Variants in VPS45 observed in about 807,000 individuals in gnomAD.
VPS45 encodes vacuolar protein sorting 45 homolog, also known as vacuolar protein sorting-associated protein 45.
VPS45 carries 35 observed loss-of-function variants against 75.9 expected under a neutral mutation model. The ratio of observed to expected loss-of-function variants is 0.46; its 90% CI spans 0.35 to 0.61. VPS45 has a LOEUF of 0.61. Among genes scored for constraint, VPS45 ranks in the 20% least tolerant of loss-of-function variants. The probability of loss-of-function intolerance (pLI) is 0.00; values close to 1 mark genes in which losing one functional copy is unlikely to be tolerated. For missense variants in VPS45, 559 were observed against 685.9 expected (o/e 0.81, Z 2.07); for synonymous variants, 220 against 238.2 (o/e 0.92, Z 0.70).
chr1:150,114,857 C>T (rs587646884), intron 14 of VPS45, among the ~76,000 whole-genome samples: 6 of 149,252 alleles, frequency 4.0e-5, no homozygotes, highest in South Asian at 4.3e-4. Context: ...TGCAGTGAGC[C>T]GTGATCATGT....
intron 14 of VPS45, among the ~76,000 whole-genome samples, chr1:150,138,398 G>T (rs1659224639): frequency 6.6e-6 from 1 of 152,046 alleles, no homozygotes; most frequent in African/African-American, 2.4e-5. Context: ...CTCATTTGCT[G>T]TTTCTCCTAT....
chr1:150,081,282 G>C, intron 7 of VPS45, 60 bp from the exon 8 acceptor site: 1 of 1,495,578 alleles, frequency 6.7e-7, no homozygotes. Context: ...TTGTTTTCCT[G>C]AACGTTTACT....
intron 2 of VPS45, among the ~76,000 whole-genome samples, chr1:150,070,065 CA>C (rs1203729432): frequency 6.6e-6 from 1 of 152,146 alleles, no homozygotes. Context: ...GGGACGTTTG[CA>C]TAGTCTTCTT....
intron 14 of VPS45, among the ~76,000 whole-genome samples, chr1:150,134,829 T>C (rs782581522): frequency 2.0e-5 from 3 of 152,206 alleles, no homozygotes; most frequent in Admixed American, 6.5e-5. Flanking sequence ...ATATTTTTTA[T>C]TATTACTATT....
intron 14 of VPS45, 88 bp downstream of exon 14, chr1:150,110,715 T>C: frequency 7.4e-7 from 1 of 1,356,996 alleles, no homozygotes; most frequent in East Asian, 2.5e-5. Flanking sequence ...ATTTGGTCAA[T>C]ACTCACCAAA....
At chr1:150,085,174 A>G (rs1553800438) in intron 10 of VPS45, among the ~76,000 whole-genome samples, 1 of 152,144 alleles carries the variant, frequency 6.6e-6, no homozygotes, top group African/African-American at 2.4e-5. Flanking sequence ...ACCACAAAAA[A>G]TGAGTTTTCT....
Position 150,080,918 on chromosome 1 carries a change from A to G in VPS45, c.688-424A>G, listed in dbSNP as rs186869045. Among the ~76,000 whole-genome samples, 93 of 152,306 alleles carry G rather than the reference A, an allele frequency of 6.1e-4. 3 individuals are homozygous for G. The East Asian group carries it at 0.017, about 28-fold the overall frequency. Reference sequence around the variant, plus strand: ...CCAGGACAAATATAGTACCACTCAGATCTGCAAGAACACACTTCTCATGCT... The same window carrying G: ...CCAGGACAAATATAGTACCACTCAGGTCTGCAAGAACACACTTCTCATGCT... On this transcript the variant is annotated intron_variant, in intron 7 of 14. Transcript: ENST00000644510.
At chr1:150,104,212 C>G (rs1191074578) in intron 13 of VPS45, among the ~76,000 whole-genome samples, 1 of 152,136 alleles carries the variant, frequency 6.6e-6, no homozygotes, top group Admixed American at 6.5e-5. Context: ...ATAGTCTCTT[C>G]TCTTCATCCT....
At chr1:150,138,794 T>G (rs1337505572) in intron 14 of VPS45, among the ~76,000 whole-genome samples, 2 of 152,178 alleles carry the variant, frequency 1.3e-5, no homozygotes, top group African/African-American at 4.8e-5. Flanking sequence ...CTAATAAATA[T>G]TCATACTTAA....
At chr1:150,112,350 T>C (rs922969164) in intron 14 of VPS45, among the ~76,000 whole-genome samples, 1 of 152,222 alleles carries the variant, frequency 6.6e-6, no homozygotes, top group African/African-American at 2.4e-5. Context: ...TTTGGTGTCA[T>C]GCCTAGAAAG....
intron 10 of VPS45, among the ~76,000 whole-genome samples, chr1:150,087,634 C>T (rs145327929): frequency 2.4e-4 from 36 of 152,188 alleles, no homozygotes; most frequent in African/African-American, 7.5e-4. Flanking sequence ...AAAATGAAGT[C>T]AAAGGATAAA....
intron 6 of VPS45, 81 bp from the exon 7 acceptor site, chr1:150,077,588 A>C (rs1553798382): frequency 1.0e-6 from 1 of 964,464 alleles, no homozygotes; most frequent in Non-Finnish European, 1.6e-6. Context: ...TGTTAAATGT[A>C]GTGTTTATTA....
chr1:150,137,578 A>C (rs1162631057), intron 14 of VPS45, among the ~76,000 whole-genome samples: 1 of 152,088 alleles, frequency 6.6e-6, no homozygotes, highest in African/African-American at 2.4e-5. Flanking sequence ...TTCTTTCCCA[A>C]ATCATTTTTT....
chr1:150,072,901 G>A (rs1432407127), intron 3 of VPS45, among the ~76,000 whole-genome samples: 1 of 151,754 alleles, frequency 6.6e-6, no homozygotes, highest in Non-Finnish European at 1.5e-5. Context: ...TTTTGAAGTG[G>A]GAAGGTAATA....
At chr1:150,084,023 A>G (rs1455362305) in intron 10 of VPS45, among the ~76,000 whole-genome samples, 15 of 152,178 alleles carry the variant, frequency 9.9e-5, no homozygotes, top group Admixed American at 9.8e-4. Context: ...TTTTGAGGTT[A>G]TTAGGAACAG....
intron 7 of VPS45, among the ~76,000 whole-genome samples, 192 bp from the exon 8 acceptor site, chr1:150,081,150 T>G (rs1321564884): frequency 6.6e-6 from 1 of 152,246 alleles, no homozygotes; most frequent in East Asian, 1.9e-4. Flanking sequence ...ATTTTGACTT[T>G]TCTTCAGTGT....
At chr1:150,088,730 C>T (rs986229729) in intron 10 of VPS45, among the ~76,000 whole-genome samples, 8 of 152,140 alleles carry the variant, frequency 5.3e-5, no homozygotes, top group South Asian at 2.1e-4. Context: ...CCACCTGCAT[C>T]GGCCTCCCAA....
chr1:150,087,980 G>A (rs1656103355), intron 10 of VPS45, among the ~76,000 whole-genome samples: 2 of 152,118 alleles, frequency 1.3e-5, no homozygotes, highest in Admixed American at 1.3e-4. Context: ...GGAATACAAT[G>A]TGATGTTTCA....
chr1:150,142,158 T>C (rs1659422892), intron 14 of VPS45, among the ~76,000 whole-genome samples: 1 of 152,162 alleles, frequency 6.6e-6, no homozygotes, highest in East Asian at 1.9e-4. Flanking sequence ...AAGTGTGTTC[T>C]CATTATAGTC....
Sources: allele counts gnomAD v4.1 joint callset (sites outside exome capture counted in the v4.1 genomes callset), GRCh38; gene constraint gnomAD v4.1.1; transcripts MANE v1.5; gene names NCBI Gene and HGNC (gene_info 2026-07-23, HGNC 2026-07-21).